The following ZBTB4 variants were observed in gnomAD, a reference collection of about 807,000 sequenced individuals.
ZBTB4 encodes zinc finger and BTB domain-containing protein 4.
Under a neutral mutation model 59.8 loss-of-function variants are expected in ZBTB4, and 14 were observed. The observed-to-expected ratio is 0.23, with a 90% CI of 0.15 to 0.37. The LOEUF (loss-of-function observed/expected upper bound fraction) is 0.37, where lower values mean the gene tolerates loss of function less well. Ranked by LOEUF, ZBTB4 falls within the 10% of genes least tolerant of loss-of-function variation. The probability of loss-of-function intolerance (pLI) is 1.00; values close to 1 mark genes in which losing one functional copy is unlikely to be tolerated. For missense variants in ZBTB4, 1,198 were observed against 1,380.8 expected (o/e 0.87, Z 2.10); for synonymous variants, 587 against 575.2 (o/e 1.02, Z -0.29).
At chr17:7,471,045 T>C (rs1039291213) in intron 1 of ZBTB4, among the ~76,000 whole-genome samples, 1 of 152,194 alleles carries the variant, frequency 6.6e-6, no homozygotes, top group South Asian at 2.1e-4. Flanking sequence ...GCTATGCATG[T>C]GTGACCGTGT....
chr17:7,461,788 CA>C lies in ZBTB4; in HGVS notation c.*151del. ...GGAGATGGGAAAACTACATCTCACA[CA>C]AAGCAGCCTGACCCCTGAGCTCCAG... On this transcript the variant is annotated 3_prime_UTR_variant, in exon 4 of 4. Transcript: ENST00000380599. 1 of 597,228 alleles carries C rather than the reference CA, an allele frequency of 1.7e-6. No individual in the cohort carries two copies. Among genetic ancestry groups the C allele is most frequent in the Non-Finnish European group, 2.9e-6 (1 of 345,866 alleles). 37.0% of individuals were successfully genotyped at this position (597,228 alleles called of 1,614,324 possible).
At chr17:7,467,491 C>T (rs1193205646) in intron 1 of ZBTB4, among the ~76,000 whole-genome samples, 164 bp from the exon 2 acceptor site, 10 of 152,186 alleles carry the variant, frequency 6.6e-5, no homozygotes, top group Non-Finnish European at 1.5e-5. Flanking sequence ...GGAGCCTCTG[C>T]CAGGTTATTT....
intron 3 of ZBTB4, 142 bp downstream of exon 3, chr17:7,465,569 T>C: frequency 7.3e-7 from 1 of 1,374,072 alleles, no homozygotes; most frequent in Non-Finnish European, 9.5e-7. Context: ...CCACCTCAGC[T>C]AACCACAGTG....
chr17:7,474,806 G>C lies in ZBTB4; in HGVS notation c.-81+4650C>G, dbSNP rs151166233. 5.8e-3 allele frequency among the ~76,000 whole-genome samples: 873 copies of C among 151,032 alleles called. 4 individuals carry two copies. Among genetic ancestry groups the C allele is most frequent in the African/African-American group, 0.02 (805 of 41,042 alleles). ...GCGGGCAGATCACTTGAGGTCAGGA[G>C]TTCCAGACCAGCCTGGCCAACATGA... On this transcript the variant is annotated intron_variant, in intron 1 of 3. Transcript: ENST00000380599.
At position 7,463,456 on chromosome 17, in the gene ZBTB4, G is replaced by A; in HGVS notation, c.1526C>T (p.Thr509Ile). Residue 509 changes from threonine to isoleucine, a missense_variant, in exon 4 of 4, where the codon ACT becomes ATT. Physicochemically the swap from Thr to Ile is moderately conservative, Grantham distance 89. Around this residue, in one of 9 missense-constraint regions of ZBTB4, gnomAD observed 550 missense variants for 541.8 expected, o/e 1.02. Transcript: ENST00000380599. ...TGGSQAASVI[T>I]YTAPPRPPKK... ...GGGTGGCCTCGGGGGAGCAGTGTAA[G>A]TGATAACCGAGGCAGCTTGGGACCC... The A allele has an allele frequency of 6.5e-7, 1 of 1,543,502 alleles. No homozygotes were observed. The highest frequency in any genetic ancestry group is 8.7e-7 in the Non-Finnish European group (1 of 1,144,858).
rs755403796 is a variant in ZBTB4 at position 7,462,821 on chromosome 17, G to A, written c.2161C>T (p.Arg721Cys). 12 of 1,602,846 alleles carry A rather than the reference G, an allele frequency of 7.5e-6. No individual in the cohort carries two copies. In the East Asian group the frequency reaches 8.9e-5, roughly 12 times the overall value. Reference sequence around the variant, plus strand: ...CCGCATCGGTGCCTCCGCTCTGTGCGGGCACGTCCCGCTGGGCTCTCGGCC... The same window carrying A: ...CCGCATCGGTGCCTCCGCTCTGTGCAGGCACGTCCCGCTGGGCTCTCGGCC... ...PAAESPAGRARTERRHRCGDC... is the reference protein window; with the variant it reads ...PAAESPAGRACTERRHRCGDC... The change falls in exon 4 of 4, where the codon CGC becomes TGC. Residue 721 changes from arginine to cysteine, a missense_variant. Around this residue, in one of 9 missense-constraint regions of ZBTB4, gnomAD observed 550 missense variants for 541.8 expected, o/e 1.02. Transcript: ENST00000380599. This position sits in a 1 kb window ranked among gnomAD's most constrained non-coding sequence, Gnocchi z 7.5.
rs2070120158 is a variant in ZBTB4, at chr17:7,466,168, C to G, written c.634G>C (p.Glu212Gln). 2 of 1,612,972 alleles carry G rather than the reference C, an allele frequency of 1.2e-6. No individual in the cohort carries two copies. Among genetic ancestry groups the G allele is most frequent in the African/African-American group, 2.7e-5 (2 of 74,946 alleles). ...GCCTCAGCCCTGTCACCCTCCCACT[C>G]CCCAGCTGGCCTGGGCCCGGGCCCA... ...SFGPGPRPAG[E>Q]WEGDRAEAQA... The change falls in exon 3 of 4, where the codon GAG (glutamate) becomes CAG (glutamine). Residue 212 changes from glutamate to glutamine, a missense_variant. By Grantham distance (29) the Glu-to-Gln change is conservative. Coordinates refer to ENST00000380599, the MANE Select transcript of ZBTB4 (RefSeq NM_001128833.2). This position sits in a 1 kb window ranked among gnomAD's most constrained non-coding sequence, Gnocchi z 9.1.
At chr17:7,474,768 T>C (rs2070246412) in intron 1 of ZBTB4, among the ~76,000 whole-genome samples, 1 of 151,874 alleles carries the variant, frequency 6.6e-6, no homozygotes, top group South Asian at 2.1e-4. Flanking sequence ...TCCCAGCACT[T>C]TGGGAGGCTG....
chr17:7,473,418 C>T (rs1408269237), intron 1 of ZBTB4, among the ~76,000 whole-genome samples: 3 of 151,678 alleles, frequency 2.0e-5, no homozygotes, highest in Non-Finnish European at 4.4e-5. Flanking sequence ...CCTGGCCAGG[C>T]CCGGATAATT....
upstream of ZBTB4, among the ~76,000 whole-genome samples, chr17:7,480,065 G>A (rs4796423): frequency 0.73 from 110,770 of 151,612 alleles, 41,077 homozygotes; most frequent in East Asian, 0.91. Flanking sequence ...GCCAGCCCTG[G>A]ACACACACAC....
chr17:7,472,951 T>C (rs1025551635), intron 1 of ZBTB4, among the ~76,000 whole-genome samples: 3 of 150,836 alleles, frequency 2.0e-5, no homozygotes, highest in Non-Finnish European at 4.4e-5. Context: ...GCCCAACTGC[T>C]TCTCTTTTTT....
At chr17:7,484,000 T>A (rs1327478822), upstream of ZBTB4, 1 of 144,426 alleles carries the variant, frequency 6.9e-6, no homozygotes, top group Non-Finnish European at 1.5e-5. Flanking sequence ...CCCGCCGCCA[T>A]TACCGATTCG....
chr17:7,474,562 G>A (rs971417399), intron 1 of ZBTB4, among the ~76,000 whole-genome samples: 1 of 152,066 alleles, frequency 6.6e-6, no homozygotes, highest in African/African-American at 2.4e-5. Context: ...CGTATCTGAA[G>A]TCGTTAGAAT....
At position 7,466,526 on chromosome 17, in the gene ZBTB4, C is replaced by A. The variant is rs551526365; in HGVS notation, c.276G>T (p.Ser92=). The part of the protein sequence containing the change: ...TAASSSSSSS[S]SSSSSSSSAS... Reference sequence around the variant, plus strand: ...CAGAGGAGGAAGAAGAGGAAGAAGACGAGGAAGAGGAGGAGGAGGAAGAGG... The same window carrying A: ...CAGAGGAGGAAGAAGAGGAAGAAGAAGAGGAAGAGGAGGAGGAGGAAGAGG... The change falls in exon 3 of 4, where the codon TCG becomes TCT. Residue 92 remains serine, a synonymous_variant. Coordinates refer to ENST00000380599, the MANE Select transcript of ZBTB4 (RefSeq NM_001128833.2). This position sits in a 1 kb window ranked among gnomAD's most constrained non-coding sequence, Gnocchi z 9.1. 7 of 1,610,500 alleles carry A rather than the reference C, an allele frequency of 4.3e-6. No individual in the cohort carries two copies. The highest frequency in any genetic ancestry group is 3.3e-4 in the Middle Eastern group (2 of 6,020).
upstream of ZBTB4, among the ~76,000 whole-genome samples, chr17:7,479,844 G>C (rs932322075): frequency 2.6e-5 from 4 of 151,772 alleles, no homozygotes; most frequent in African/African-American, 9.7e-5. Flanking sequence ...AGCGGGGCGC[G>C]GGCCGGGCTG....
intron 1 of ZBTB4, among the ~76,000 whole-genome samples, chr17:7,478,520 C>T (rs1384821266): frequency 1.3e-5 from 2 of 152,130 alleles, no homozygotes; most frequent in Non-Finnish European, 2.9e-5. Context: ...CGCCTTCTGA[C>T]TCAAAGGCCC....
chr17:7,482,566 G>T (rs373201512), upstream of ZBTB4: 106 of 1,612,330 alleles, frequency 6.6e-5, no homozygotes, highest in Non-Finnish European at 8.7e-5. Context: ...TGGGCTATGG[G>T]CAGGCTTTCG....
Position 7,465,760 on chromosome 17 carries a change from G to A in ZBTB4, c.1042C>T (p.Leu348=). The A allele has an allele frequency of 6.2e-7, 1 of 1,614,086 alleles. No individual in the cohort carries two copies. Among genetic ancestry groups the A allele is most frequent in the Non-Finnish European group, 8.5e-7 (1 of 1,179,932 alleles). Residue 348 remains leucine, a synonymous_variant, in exon 3 of 4, where the codon CTG becomes TTG. Coordinates refer to ENST00000380599, the MANE Select transcript of ZBTB4 (RefSeq NM_001128833.2). ...TCATGCTTCGTGCGGTACTCCGCCA[G>A]AGCAAACACTTTCTCACAATAGCGG... ...PCRYCEKVFA[L]AEYRTKHEVW...
In ZBTB4 at chr17:7,462,330, C is replaced by T; in HGVS notation, c.2652G>A (p.Arg884=). The T allele has an allele frequency of 6.2e-7, 1 of 1,613,906 alleles. No individual in the cohort carries two copies. Among genetic ancestry groups the T allele is most frequent in the Non-Finnish European group, 8.5e-7 (1 of 1,179,958 alleles). The change falls in exon 4 of 4, where the codon CGG becomes CGA. Residue 884 remains arginine (R), a synonymous_variant. Coordinates refer to ENST00000380599, the MANE Select transcript of ZBTB4 (RefSeq NM_001128833.2). The surrounding 1 kb of genome is among the most constrained non-coding windows in gnomAD (Gnocchi z 7.5). ...EFPLALIGGG[R]EPGGGRGKSG... ...ATTTTCCCCTGCCACCGCCAGGTTC[C>T]CGGCCGCCCCCAATCAAGGCCAGTG...
Sources: allele counts gnomAD v4.1 joint callset (sites outside exome capture counted in the v4.1 genomes callset), GRCh38; gene constraint gnomAD v4.1.1; regional missense constraint gnomAD v4.1.1; non-coding constraint Gnocchi (gnomAD v3.1); transcripts MANE v1.5; gene names NCBI Gene and HGNC (gene_info 2026-07-23, HGNC 2026-07-21).